IL17RA: variants seen among roughly 807,000 people sequenced by gnomAD.
IL17RA encodes the protein interleukin 17 receptor A.
A neutral mutation model predicts 50.4 loss-of-function variants in IL17RA; 34 were observed. That is an observed-to-expected ratio of 0.67 (90% CI 0.51 to 0.90). The LOEUF (loss-of-function observed/expected upper bound fraction) is 0.90. Ranked by LOEUF, IL17RA falls within the 40% of genes least tolerant of loss-of-function variation. IL17RA has a pLI of 0.00. For missense variants in IL17RA, 1,276 were observed against 1,169.8 expected (o/e 1.09, Z -1.32); for synonymous variants, 585 against 510.4 (o/e 1.15, Z -1.97).
intron 1 of IL17RA, among the ~76,000 whole-genome samples, chr22:17,087,701 G>A (rs1012696181): frequency 2.6e-5 from 4 of 152,176 alleles, no homozygotes; most frequent in Non-Finnish European, 5.9e-5. Context: ...ATCAATAATT[G>A]CATTTCCCTG....
At position 17,109,515 on chromosome 22, in the gene IL17RA, G is replaced by T. The variant is rs779762104; in HGVS notation, c.2296G>T (p.Gly766Trp). Residue 766 changes from glycine to tryptophan, a missense_variant, in exon 13 of 13, where the codon GGG becomes TGG. Transcript: ENST00000319363. ...GCAGAGTCTGAGCTGCCAGGCCCAG[G>T]GGGGCTGCAGTAGACCCGCCATGGT... ...FEQSLSCQAQGGCSRPAMVLT... is the reference protein window; with the variant it reads ...FEQSLSCQAQWGCSRPAMVLT... The T allele has an allele frequency of 6.3e-7, 1 of 1,599,292 alleles. No individual in the cohort carries two copies. Among genetic ancestry groups the T allele is most frequent in the Non-Finnish European group, 8.5e-7 (1 of 1,172,802 alleles).
At position 17,088,382 on chromosome 22, in the gene IL17RA, G is replaced by A. The variant is rs41365850; in HGVS notation, c.138+3153G>A. Among the ~76,000 whole-genome samples the A allele has an allele frequency of 9.4e-3, 1,423 of 152,100 alleles. 26 individuals are homozygous for A. The highest frequency in any genetic ancestry group is 0.033 in the African/African-American group (1,363 of 41,498). ...CGCCCAGGCTGGAGTGCAGTGGTGC[G>A]ATCTCAGCTCACTGCAACCTCCGCC... On this transcript the variant is annotated intron_variant, in intron 1 of 12. Transcript: ENST00000319363.
rs1186391243 is a variant in IL17RA, at chr22:17,100,579, T to C, written c.550+98T>C. 4 of 1,475,952 alleles carry C rather than the reference T, an allele frequency of 2.7e-6. No homozygotes were observed. In the African/African-American group the frequency reaches 4.2e-5, roughly 15 times the overall value. 91.4% of individuals were successfully genotyped at this position (1,475,952 alleles called of 1,614,324 possible). A position where few individuals can be genotyped will look rare whatever the true frequency, so the allele number is the denominator to read the frequency against. The stretch of plus-strand genomic sequence containing the variant: ...CCAGCCCCCCTGCTCAGCAAGACAT[T>C]GGCTGGCATTGCCAGCACCTGGGAC... On this transcript the variant is annotated intron_variant, in intron 5 of 12. Transcript: ENST00000319363.
At chr22:17,085,431 G>T (rs1421829715) in intron 1 of IL17RA, 2 of 488,164 alleles carry the variant, frequency 4.1e-6, no homozygotes, top group Non-Finnish European at 5.3e-6. Flanking sequence ...TTGCGGTGTG[G>T]AATACGGGGG....
intron 7 of IL17RA, among the ~76,000 whole-genome samples, chr22:17,102,844 T>G (rs903668829): frequency 1.2e-4 from 19 of 152,040 alleles, no homozygotes; most frequent in Admixed American, 1.2e-3. Flanking sequence ...ATAAAGTACA[T>G]TAATGACATA....
chr22:17,104,314 G>C (rs1377810647), intron 8 of IL17RA, among the ~76,000 whole-genome samples: 1 of 95,100 alleles, frequency 1.1e-5, no homozygotes, highest in Non-Finnish European at 2.2e-5. Context: ...CAGGTGGAGA[G>C]AGTGGTGTGG....
chr22:17,113,709 A>G lies in IL17RA; in HGVS notation c.*3889A>G, dbSNP rs1036786886. 6.6e-6 allele frequency: 1 copy of G among 152,254 alleles called. No individual in the cohort carries two copies. The highest frequency in any genetic ancestry group is 2.4e-5 in the African/African-American group (1 of 41,458). 9.4% of individuals were successfully genotyped at this position (152,254 alleles called of 1,614,324 possible). A position where few individuals can be genotyped will look rare whatever the true frequency, so the allele number is the denominator to read the frequency against. ...CCGGGGCACCTGAGGACAGAGTGAG[A>G]TGGAGGGCCGCTGCTCCAGCAGCCG... is the stretch of plus-strand genomic sequence containing the variant. On this transcript the variant is annotated 3_prime_UTR_variant, in exon 13 of 13. Coordinates refer to ENST00000319363, the MANE Select transcript of IL17RA (RefSeq NM_014339.7).
chr22:17,108,783 C>T lies in IL17RA; in HGVS notation c.1564C>T (p.Arg522Trp), dbSNP rs543278251. ...DVPDLFGAAP[R>W]YPLMDRFEEV... ...CCCCGACCTGTTCGGCGCGGCGCCG[C>T]GGTACCCGCTCATGGACAGGTTCGA... Residue 522 changes from arginine to tryptophan, a missense_variant, in exon 13 of 13, where the codon CGG becomes TGG. By Grantham distance (101) the Arg-to-Trp change is moderately radical. Transcript: ENST00000319363. The T allele has an allele frequency of 4.4e-5, 71 of 1,607,494 alleles. No individual in the cohort carries two copies. In the African/African-American group the frequency reaches 6.5e-4, roughly 15 times the overall value.
chr22:17,088,211 G>C (rs1366346688), intron 1 of IL17RA, among the ~76,000 whole-genome samples: 1 of 152,208 alleles, frequency 6.6e-6, no homozygotes, highest in Non-Finnish European at 1.5e-5. Context: ...CAGGCACTCA[G>C]TAGTGTTCAC....
intron 1 of IL17RA, among the ~76,000 whole-genome samples, chr22:17,095,165 A>G (rs1427568415): frequency 6.6e-6 from 1 of 152,230 alleles, no homozygotes; most frequent in Non-Finnish European, 1.5e-5. Flanking sequence ...TATCAAAAGA[A>G]CAATGCACCA....
chr22:17,099,374 G>T (rs2061381504), intron 4 of IL17RA, among the ~76,000 whole-genome samples: 2 of 152,120 alleles, frequency 1.3e-5, no homozygotes, highest in Admixed American at 6.5e-5. Flanking sequence ...ATGGTGAAAT[G>T]TTGATTCTTG....
chr22:17,100,391 G>C lies in IL17RA; in HGVS notation c.460G>C (p.Asp154His), dbSNP rs1354147415. 3.1e-6 allele frequency: 5 copies of C among 1,614,098 alleles called. No individual in the cohort carries two copies. The Admixed American group carries it at 6.7e-5, about 22-fold the overall frequency. Residue 154 changes from aspartate to histidine, a missense_variant, in exon 5 of 13, where the codon GAC (aspartate) becomes CAC (histidine). Coordinates refer to ENST00000319363, the MANE Select transcript of IL17RA (RefSeq NM_014339.7). ...FTFSHFVVDP[D>H]QEYEVTVHHL... ...CTTCAGCCACTTTGTGGTTGACCCTGACCAGGAATATGAGGTGACCGTTCA... is the reference window on the plus strand; with the variant it reads ...CTTCAGCCACTTTGTGGTTGACCCTCACCAGGAATATGAGGTGACCGTTCA...
intron 1 of IL17RA, among the ~76,000 whole-genome samples, chr22:17,091,526 A>G (rs1601336742): frequency 6.6e-6 from 1 of 152,052 alleles, no homozygotes; most frequent in South Asian, 2.1e-4. Context: ...AATACAAAAA[A>G]AAATTAGCCA....
chr22:17,097,220 C>T (rs2061371541), intron 2 of IL17RA, 134 bp downstream of exon 2: 1 of 848,330 alleles, frequency 1.2e-6, no homozygotes. Context: ...CAGGAGGGTT[C>T]CCGGAGAATT....
chr22:17,105,365 G>T (rs1448710019), intron 9 of IL17RA, among the ~76,000 whole-genome samples: 1 of 152,222 alleles, frequency 6.6e-6, no homozygotes, highest in Non-Finnish European at 1.5e-5. Context: ...ATGGAGCCAG[G>T]CTGGAAGGAG....
rs2061439329 is a variant in IL17RA at position 17,110,836 on chromosome 22, A to T, written c.*1016A>T. On this transcript the variant is annotated 3_prime_UTR_variant, in exon 13 of 13. Coordinates refer to ENST00000319363, the MANE Select transcript of IL17RA (RefSeq NM_014339.7). Reference sequence around the variant, plus strand: ...AGTGAGACCCTGTCTCAAAAAAAATAAAAAAGTAGAAAGATGGAGTGGAAG... The same window carrying T: ...AGTGAGACCCTGTCTCAAAAAAAATTAAAAAGTAGAAAGATGGAGTGGAAG... 3 of 152,534 alleles carry T rather than the reference A, an allele frequency of 2.0e-5. No individual in the cohort carries two copies. The highest frequency in any genetic ancestry group is 4.1e-4 in the South Asian group (2 of 4,844). 9.4% of individuals were successfully genotyped at this position (152,534 alleles called of 1,614,324 possible).
intron 1 of IL17RA, chr22:17,093,809 C>A: frequency 5.8e-6 from 1 of 171,444 alleles, no homozygotes; most frequent in South Asian, 1.4e-4. Flanking sequence ...TATCTGGAGT[C>A]CCCATCTCCT....
Position 17,109,318 on chromosome 22 carries a change from G to T in IL17RA, c.2099G>T (p.Gly700Val). The T allele has an allele frequency of 6.5e-7, 1 of 1,536,682 alleles. No individual in the cohort carries two copies. Among genetic ancestry groups the T allele is most frequent in the Non-Finnish European group, 8.7e-7 (1 of 1,145,596 alleles). The change falls in exon 13 of 13, where the codon GGC becomes GTC. Residue 700 changes from glycine to valine, a missense_variant. Coordinates refer to ENST00000319363, the MANE Select transcript of IL17RA (RefSeq NM_014339.7). The part of the protein sequence containing the change: ...AAVRLALAGE[G>V]EACPLLGSPG... Reference sequence around the variant, plus strand: ...GTCCGGCTGGCACTGGCGGGGGAGGGCGAGGCCTGCCCGCTGCTGGGCAGC... The same window carrying T: ...GTCCGGCTGGCACTGGCGGGGGAGGTCGAGGCCTGCCCGCTGCTGGGCAGC...
At chr22:17,106,507 G>A (rs533864483) in intron 11 of IL17RA, among the ~76,000 whole-genome samples, 8 of 152,348 alleles carry the variant, frequency 5.3e-5, no homozygotes, top group Middle Eastern at 3.4e-3. Flanking sequence ...AAGGTTAAAT[G>A]AGTAGCTGAG....
Sources: gnomAD v4.1 joint callset for allele counts (sites outside exome capture counted in the v4.1 genomes callset) on GRCh38, gnomAD v4.1.1 for gene constraint, MANE v1.5 for transcripts, NCBI Gene and HGNC (gene_info 2026-07-23, HGNC 2026-07-21) for gene names.